PRKCQ: variants seen among roughly 807,000 people sequenced by gnomAD.
PRKCQ encodes protein kinase C theta type.
A neutral mutation model predicts 91.2 loss-of-function variants in PRKCQ; 41 were observed. That is an observed-to-expected ratio of 0.45 (90% CI 0.35 to 0.58). PRKCQ has a LOEUF of 0.58. Ranked by LOEUF, PRKCQ falls within the 20% of genes least tolerant of loss-of-function variation. PRKCQ has a pLI of 0.00. For synonymous variants in PRKCQ, 307 were observed against 316.9 expected (o/e 0.97, Z 0.33); for missense variants, 673 against 896.5 (o/e 0.75, Z 3.18).
chr10:6,507,249 C>T (rs966335519), intron 4 of PRKCQ, among the ~76,000 whole-genome samples, 187 bp downstream of exon 4: 3 of 152,142 alleles, frequency 2.0e-5, no homozygotes, highest in African/African-American at 4.8e-5. Context: ...TATATTTCTA[C>T]GTTTTTCCGG....
At chr10:6,482,039 CCTT>C (rs1411890150) in intron 11 of PRKCQ, among the ~76,000 whole-genome samples, 1 of 149,554 alleles carries the variant, frequency 6.7e-6, no homozygotes, top group Non-Finnish European at 1.5e-5. Flanking sequence ...TCCTTCCTCT[CCTT>C]GTCATCTGTG....
At chr10:6,428,830 C>A (rs1833260831) in intron 17 of PRKCQ, among the ~76,000 whole-genome samples, 1 of 152,156 alleles carries the variant, frequency 6.6e-6, no homozygotes, top group Non-Finnish European at 1.5e-5. Context: ...TATCAACGTT[C>A]TTGGCTGTTG....
intron 1 of PRKCQ, among the ~76,000 whole-genome samples, chr10:6,578,340 A>G (rs1841319907): frequency 6.6e-6 from 1 of 152,246 alleles, no homozygotes; most frequent in Non-Finnish European, 1.5e-5. Flanking sequence ...GCACCACAGC[A>G]CAAGACAGTA....
intron 1 of PRKCQ, among the ~76,000 whole-genome samples, chr10:6,519,780 CT>C (rs977770102): frequency 1.3e-5 from 2 of 152,182 alleles, no homozygotes; most frequent in Non-Finnish European, 2.9e-5. Flanking sequence ...ATGTTTACCC[CT>C]GGCACCTGCA....
intron 1 of PRKCQ, among the ~76,000 whole-genome samples, chr10:6,539,364 C>T (rs761711585): frequency 2.0e-5 from 3 of 152,158 alleles, no homozygotes; most frequent in Non-Finnish European, 4.4e-5. Flanking sequence ...GGTGAGTGAC[C>T]GTTCCTGCCT....
intron 14 of PRKCQ, among the ~76,000 whole-genome samples, chr10:6,459,038 C>T (rs918575769): frequency 6.6e-6 from 1 of 152,194 alleles, no homozygotes; most frequent in South Asian, 2.1e-4. Flanking sequence ...CATCGACCAA[C>T]AGCAGCCTTG....
the PRKCQ span, among the ~76,000 whole-genome samples, chr10:6,407,573 A>ATGTGTGAT: frequency 6.7e-6 from 1 of 148,818 alleles, no homozygotes; most frequent in Non-Finnish European, 1.5e-5. This position sits in a 1 kb window ranked among gnomAD's most constrained non-coding sequence, Gnocchi z 4.0. Context: ...TGGCGTGTGA[A>ATGTGTGAT]TGTGTGATTG....
chr10:6,395,188 C>A, the PRKCQ span, among the ~76,000 whole-genome samples: 4 of 151,754 alleles, frequency 2.6e-5, no homozygotes, highest in Non-Finnish European at 5.9e-5. Flanking sequence ...TTCAGCCTCC[C>A]GAGTAGCTGG....
chr10:6,556,054 A>G (rs1462314224), intron 1 of PRKCQ, among the ~76,000 whole-genome samples: 1 of 152,184 alleles, frequency 6.6e-6, no homozygotes, highest in Non-Finnish European at 1.5e-5. Context: ...GATATGGTTT[A>G]GGAATGACCT....
At chr10:6,406,404 C>T in the PRKCQ span, among the ~76,000 whole-genome samples, 3 of 151,092 alleles carry the variant, frequency 2.0e-5, no homozygotes, top group African/African-American at 7.3e-5. Flanking sequence ...TTCCAGAATT[C>T]GGCTGTAAAA....
At chr10:6,453,400 C>A (rs1303967838) in intron 15 of PRKCQ, among the ~76,000 whole-genome samples, 1 of 152,136 alleles carries the variant, frequency 6.6e-6, no homozygotes, top group African/African-American at 2.4e-5. Context: ...GAATGGCAAT[C>A]ATTAAAAAGT....
intron 12 of PRKCQ, among the ~76,000 whole-genome samples, 200 bp from the exon 13 acceptor site, chr10:6,464,604 G>C (rs41306820): frequency 0.16 from 25,044 of 151,974 alleles, 2,236 homozygotes; most frequent in African/African-American, 0.21. Flanking sequence ...TGCACCACCA[G>C]GCCCAGCTAA....
At chr10:6,408,506 C>T in the PRKCQ span, among the ~76,000 whole-genome samples, 1 of 152,162 alleles carries the variant, frequency 6.6e-6, no homozygotes, top group Non-Finnish European at 1.5e-5. Flanking sequence ...AGGCGCCTGC[C>T]ACCACACCCA....
rs539713380 is a variant in PRKCQ at position 6,435,884 on chromosome 10, G to A, written c.1837-4946C>T. Among the ~76,000 whole-genome samples the A allele has an allele frequency of 2.0e-4, 31 of 152,264 alleles. No homozygotes were observed. In the South Asian group the frequency reaches 2.7e-3, roughly 13 times the overall value. ...TCCCAGCACATTGGGAGGCTGAGGC[G>A]GGCAGATTGCTTTGAGCTCCAGAAT... On this transcript the variant is annotated intron_variant, in intron 16 of 17. Transcript: ENST00000263125.
chr10:6,424,418 C>T (rs118134187), downstream of PRKCQ, among the ~76,000 whole-genome samples: 4 of 152,308 alleles, frequency 2.6e-5, no homozygotes, highest in East Asian at 1.9e-4. Flanking sequence ...ACTTCTCACC[C>T]GCCCATGCTC....
At chr10:6,398,053 G>A in the PRKCQ span, among the ~76,000 whole-genome samples, 1 of 152,166 alleles carries the variant, frequency 6.6e-6, no homozygotes, top group Admixed American at 6.5e-5. Context: ...GCTGCTTTTT[G>A]TGCATGGTGT....
At chr10:6,468,827 C>G (rs1476602510) in intron 12 of PRKCQ, among the ~76,000 whole-genome samples, 1 of 152,180 alleles carries the variant, frequency 6.6e-6, no homozygotes. Flanking sequence ...ACAGCGAAGA[C>G]TGTAGTACAA....
At chr10:6,466,259 ACT>A in intron 12 of PRKCQ, among the ~76,000 whole-genome samples, 1 of 152,056 alleles carries the variant, frequency 6.6e-6, no homozygotes, top group African/African-American at 2.4e-5. Flanking sequence ...GTGGGAGGGG[ACT>A]GGAGGCAACA....
chr10:6,457,273 C>G (rs1235859337), intron 14 of PRKCQ, among the ~76,000 whole-genome samples: 2 of 152,188 alleles, frequency 1.3e-5, no homozygotes, highest in African/African-American at 2.4e-5. Context: ...GAATGTCATG[C>G]CAACAAACTT....
Sources: gnomAD v4.1 joint callset for allele counts (sites outside exome capture counted in the v4.1 genomes callset) on GRCh38, gnomAD v4.1.1 for gene constraint, Gnocchi (gnomAD v3.1) non-coding constraint, MANE v1.5 for transcripts, NCBI Gene and HGNC (gene_info 2026-07-23, HGNC 2026-07-21) for gene names.